MYBL1: variants seen among roughly 807,000 people sequenced by gnomAD.
MYBL1 encodes the protein myb-related protein A.
MYBL1 carries 17 observed loss-of-function variants against 96.3 expected under a neutral mutation model. The ratio of observed to expected loss-of-function variants is 0.18; its 90% CI spans 0.12 to 0.26. The LOEUF (loss-of-function observed/expected upper bound fraction) is 0.26. Ranked by LOEUF, MYBL1 falls within the 10% of genes least tolerant of loss-of-function variation. The pLI is 1.00. For missense variants in MYBL1, 701 were observed against 882.9 expected, an observed-to-expected ratio of 0.79 and a Z score of 2.61; for synonymous variants, 282 against 292.7, an observed-to-expected ratio of 0.96 and a Z score of 0.37.
At chr8:66,612,130 C>T (rs942288610) in intron 1 of MYBL1, 3 of 152,196 alleles carry the variant, frequency 2.0e-5, no homozygotes, top group Admixed American at 6.5e-5. Flanking sequence ...GAGCCAAACA[C>T]AGACACTCAA....
At chr8:66,587,867 T>C (rs1039218495) in intron 8 of MYBL1, among the ~76,000 whole-genome samples, 2 of 152,184 alleles carry the variant, frequency 1.3e-5, no homozygotes, top group Non-Finnish European at 2.9e-5. Flanking sequence ...GACAGCACAC[T>C]GGAAGTCTAT....
rs1228512915 is a variant in MYBL1, at chr8:66,565,615, G to A, written c.2130+449C>T. 2.6e-5 allele frequency: 3 copies of A among 115,890 alleles called. No homozygotes were observed. The East Asian group carries it at 7.4e-4, about 29-fold the overall frequency. The allele number at this position is 115,890 out of a possible 1,614,324, so 7.2% of individuals were successfully genotyped here. A position where few individuals can be genotyped will look rare whatever the true frequency, so the allele number is the denominator to read the frequency against. ...CAACCTTCATTTGCAGTTACACACT[G>A]GTCGTATCCCAACAGAAAAAAAAAA... On this transcript the variant is annotated intron_variant, in intron 15 of 15. Transcript: ENST00000522677.
At chr8:66,566,359 G>A in intron 14 of MYBL1, 116 bp from the exon 15 acceptor site, 1 of 590,094 alleles carries the variant, frequency 1.7e-6, no homozygotes, top group South Asian at 3.1e-5. Flanking sequence ...AAAGCATTTG[G>A]CTCTGATGAA....
rs1277962723 is a variant in MYBL1, at chr8:66,572,527, A to G, written c.1683T>C (p.Asn561=). The G allele has an allele frequency of 6.2e-7, 1 of 1,604,754 alleles. No homozygotes were observed. The highest frequency in any genetic ancestry group is 1.7e-5 in the Admixed American group (1 of 59,872). ...TTPRTPTPFK[N]ALAAQEKKYG... is the part of the protein sequence containing the mutation. ...ATTTTTTCTCCTGAGCAGCAAGCGC[A>G]TTCTTAAAAGGAGTAGGAGTTCTTG... Residue 561 remains asparagine, a synonymous_variant, in exon 12 of 16, where the codon AAT becomes AAC. Transcript: ENST00000522677.
chr8:66,602,728 TA>T (rs1810141724), intron 1 of MYBL1, among the ~76,000 whole-genome samples: 1,116 of 49,884 alleles, frequency 0.022, 19 homozygotes, highest in African/African-American at 0.033. Flanking sequence ...TATATATATA[TA>T]TATATTTTTT....
rs76077785 is a variant in MYBL1, at chr8:66,563,815, T to C, written c.*882A>G. The stretch of plus-strand genomic sequence containing the variant: ...TAGATGTGACATACAGTATAGATAT[T>C]GTATTCTTTGCAGCTATAACTTACT... On this transcript the variant is annotated 3_prime_UTR_variant, in exon 16 of 16. Transcript: ENST00000522677. 3,214 of 152,616 alleles carry C rather than the reference T, an allele frequency of 0.021. 71 individuals carry two copies. Among genetic ancestry groups the C allele is most frequent in the South Asian group, 0.048 (230 of 4,824 alleles). 9.5% of individuals were successfully genotyped at this position (152,616 alleles called of 1,614,324 possible). A position where few individuals can be genotyped will look rare whatever the true frequency, so the allele number is the denominator to read the frequency against.
Position 66,611,459 on chromosome 8 carries a change from C to G in MYBL1, c.20+1360G>C, listed in dbSNP as rs143131918. 7.8e-3 allele frequency among the ~76,000 whole-genome samples: 1,181 copies of G among 152,144 alleles called. 13 individuals carry two copies. The highest frequency in any genetic ancestry group is 0.027 in the African/African-American group (1,116 of 41,484). Reference sequence around the variant, plus strand: ...GGTTCTTTCCTGGGTGATTTTGTCCCCCAAAAGATATTTGGCAATGTCTGG... The same window carrying G: ...GGTTCTTTCCTGGGTGATTTTGTCCGCCAAAAGATATTTGGCAATGTCTGG... On this transcript the variant is annotated intron_variant, in intron 1 of 15. Coordinates refer to ENST00000522677, the MANE Select transcript of MYBL1 (RefSeq NM_001080416.4).
At chr8:66,573,664 G>T (rs747314048) in intron 10 of MYBL1, among the ~76,000 whole-genome samples, 158 bp from the exon 11 acceptor site, 2 of 152,072 alleles carry the variant, frequency 1.3e-5, no homozygotes, top group African/African-American at 2.4e-5. Flanking sequence ...GCTCCATGAG[G>T]GTAGGAATTT....
At chr8:66,598,099 T>C (rs1809925726) in intron 4 of MYBL1, among the ~76,000 whole-genome samples, 1 of 152,200 alleles carries the variant, frequency 6.6e-6, no homozygotes, top group African/African-American at 2.4e-5. Flanking sequence ...AAACATTTTA[T>C]ATTGGTAGAC....
intron 12 of MYBL1, among the ~76,000 whole-genome samples, chr8:66,568,640 A>G (rs1563525427): frequency 6.6e-6 from 1 of 152,154 alleles, no homozygotes. Context: ...CACCAAGAAC[A>G]TAAAGTATTC....
Position 66,572,644 on chromosome 8 carries a change from T to A in MYBL1, c.1614-48A>T. The A allele has an allele frequency of 4.2e-6, 4 of 944,260 alleles. 1 individual carries two copies. In the East Asian group the frequency reaches 1.0e-4, roughly 25 times the overall value. The allele number at this position is 944,260 out of a possible 1,614,324, so 58.5% of individuals were successfully genotyped here. On this transcript the variant is annotated intron_variant, in intron 11 of 15. Transcript: ENST00000522677. ...ATGTTATAGTCACGATCTGATTTCA[T>A]ACAAGTTAATGAAAGCAAAGCAATT... is the stretch of plus-strand genomic sequence containing the variant.
intron 5 of MYBL1, 61 bp from the exon 6 acceptor site, chr8:66,595,818 T>C: frequency 1.7e-6 from 2 of 1,146,908 alleles, no homozygotes; most frequent in Non-Finnish European, 2.3e-6. Flanking sequence ...CAACACTGTG[T>C]TAACTTGTAC....
Position 66,597,503 on chromosome 8 carries a change from A to T in MYBL1, c.339T>A (p.Ile113=). 2 of 1,613,184 alleles carry T rather than the reference A, an allele frequency of 1.2e-6. No homozygotes were observed. The highest frequency in any genetic ancestry group is 1.7e-6 in the Non-Finnish European group (2 of 1,179,490). ...QKYGPKRWSL[I]AKHLKGRIGK... is the part of the protein sequence containing the mutation. The stretch of plus-strand genomic sequence containing the variant: ...CTATTCTTCCTTTTAAATGTTTTGC[A>T]ATTAAAGACCATCTTTTTGGCCCAT... The change falls in exon 5 of 16, where the codon ATT becomes ATA. Residue 113 remains isoleucine (I), a synonymous_variant. Transcript: ENST00000522677.
At chr8:66,569,589 G>A (rs1440116221) in intron 12 of MYBL1, among the ~76,000 whole-genome samples, 1 of 151,998 alleles carries the variant, frequency 6.6e-6, no homozygotes, top group East Asian at 1.9e-4. Context: ...GAGCTCAAAT[G>A]ATCTGCCTGT....
intron 1 of MYBL1, chr8:66,612,495 C>T (rs1586611243): frequency 2.8e-6 from 1 of 352,114 alleles, no homozygotes; most frequent in Non-Finnish European, 5.1e-6. Context: ...AGCGGACTCC[C>T]TAAAAGCGCT....
chr8:66,582,204 T>C (rs1168929487), intron 8 of MYBL1, among the ~76,000 whole-genome samples: 2 of 151,974 alleles, frequency 1.3e-5, no homozygotes, highest in Non-Finnish European at 2.9e-5. Context: ...TAACCCTGAA[T>C]GTAAACAGAT....
rs1166470045 is a variant in MYBL1, at chr8:66,564,044, C to CT, written c.*652dup. On this transcript the variant is annotated 3_prime_UTR_variant, in exon 16 of 16. Transcript: ENST00000522677. ...ACTGTACAATACATTCAACAAAACT[C>CT]TCAGCTCCTCTGAGATTAAGAAAAT... 6.6e-6 allele frequency: 1 copy of CT among 152,390 alleles called. No homozygotes were observed. The highest frequency in any genetic ancestry group is 2.4e-5 in the African/African-American group (1 of 41,412). 9.4% of individuals were successfully genotyped at this position (152,390 alleles called of 1,614,324 possible).
At position 66,599,133 on chromosome 8, in the gene MYBL1, C is replaced by A; in HGVS notation, c.208G>T (p.Asp70Tyr). Residue 70 changes from aspartate to tyrosine, a missense_variant, in exon 4 of 16, where the codon GAT becomes TAT. Transcript: ENST00000522677. The part of the protein sequence containing the change: ...LIASHLQNRS[D>Y]FQCQHRWQKV... ...TGCCATCGATGCTGGCACTGAAAAT[C>A]AGAGCGATTCTGAAAAAATTTAGAA... 1 of 1,581,104 alleles carries A rather than the reference C, an allele frequency of 6.3e-7. No individual in the cohort carries two copies. Among genetic ancestry groups the A allele is most frequent in the Non-Finnish European group, 8.6e-7 (1 of 1,166,558 alleles).
At chr8:66,576,583 A>T (rs1808958438) in intron 9 of MYBL1, among the ~76,000 whole-genome samples, 1 of 152,214 alleles carries the variant, frequency 6.6e-6, no homozygotes, top group African/African-American at 2.4e-5. Flanking sequence ...AGTTCATCTA[A>T]TTCAGTAGTT....
Sources: gnomAD v4.1 joint callset for allele counts (sites outside exome capture counted in the v4.1 genomes callset) on GRCh38, gnomAD v4.1.1 for gene constraint, MANE v1.5 for transcripts, NCBI Gene and HGNC (gene_info 2026-07-23, HGNC 2026-07-21) for gene names.